The following CDH2 variants were observed in gnomAD, a reference collection of about 807,000 sequenced individuals.
CDH2 encodes the protein cadherin 2, also known as cadherin-2.
In CDH2, 17 loss-of-function variants were observed where a neutral mutation model predicts 92.0. The observed-to-expected ratio is 0.18, with a 90% CI of 0.13 to 0.28. The LOEUF (loss-of-function observed/expected upper bound fraction) is 0.28, where lower values mean the gene tolerates loss of function less well. Among genes scored for constraint, CDH2 ranks in the 10% least tolerant of loss-of-function variants. The pLI, the probability that CDH2 is intolerant of heterozygous loss-of-function variation, is 1.00. For missense variants in CDH2, 862 were observed against 1,133.1 expected, an observed-to-expected ratio of 0.76 and a Z score of 3.44; for synonymous variants, 419 against 415.9, an observed-to-expected ratio of 1.01 and a Z score of -0.09.
chr18:28,166,172 A>ATATATATATATATATATATATC, intron 1 of CDH2, among the ~76,000 whole-genome samples: 1 of 136,948 alleles, frequency 7.3e-6, no homozygotes, highest in African/African-American at 2.6e-5. Context: ...ATATATATAT[A>ATATATATATATATATATATATC]TGTCTGTATT....
intron 10 of CDH2, among the ~76,000 whole-genome samples, chr18:27,988,901 A>G (rs1410277754): frequency 2.6e-5 from 4 of 152,208 alleles, no homozygotes; most frequent in Non-Finnish European, 2.9e-5. Context: ...GGACAAGACT[A>G]GGTGCACAGT....
At chr18:28,080,307 T>G (rs2014804762) in intron 2 of CDH2, among the ~76,000 whole-genome samples, 1 of 152,188 alleles carries the variant, frequency 6.6e-6, no homozygotes, top group African/African-American at 2.4e-5. Flanking sequence ...AATCTATGTT[T>G]TCACTTCCTA....
intron 2 of CDH2, chr18:28,036,692 A>G (rs948337831): frequency 1.3e-5 from 8 of 638,846 alleles, no homozygotes; most frequent in Admixed American, 8.8e-5. Context: ...ACTGACCGTC[A>G]GCAAAACAGA....
In CDH2 at chr18:28,100,224, AC is replaced by A. The variant is rs2015205356; in HGVS notation, c.172+47448del. On this transcript the variant is annotated intron_variant, in intron 2 of 15. Coordinates refer to ENST00000269141, the MANE Select transcript of CDH2 (RefSeq NM_001792.5). ...CAGTTAAATCAGTAGACTGAATAAA[AC>A]AGATTGCTCTCTTTAATGTGGGTGA... is the stretch of plus-strand genomic sequence containing the variant. 3.9e-5 allele frequency among the ~76,000 whole-genome samples: 6 copies of A among 152,306 alleles called. No homozygotes were observed. The South Asian group carries it at 1.2e-3, about 32-fold the overall frequency.
chr18:28,170,355 T>C (rs536214610), intron 1 of CDH2, among the ~76,000 whole-genome samples: 2 of 152,322 alleles, frequency 1.3e-5, no homozygotes, highest in South Asian at 4.1e-4. Context: ...CTTTTTTAAA[T>C]TTTATTTTGA....
chr18:28,136,925 A>C (rs17446819), intron 2 of CDH2, among the ~76,000 whole-genome samples: 37,895 of 152,066 alleles, frequency 0.25, 4,903 homozygotes, highest in Middle Eastern at 0.37. Flanking sequence ...AAGCTTCCCC[A>C]GAATAACTCT....
At chr18:28,071,361 T>C (rs1469260428) in intron 2 of CDH2, among the ~76,000 whole-genome samples, 1 of 152,000 alleles carries the variant, frequency 6.6e-6, no homozygotes, top group African/African-American at 2.4e-5. Context: ...AGTCAGAAGG[T>C]CACTCTCTGC....
chr18:28,111,461 A>T (rs937623354), intron 2 of CDH2, among the ~76,000 whole-genome samples: 6 of 152,214 alleles, frequency 3.9e-5, no homozygotes, highest in African/African-American at 1.4e-4. Context: ...AAAAAGAAGG[A>T]AAGCACTCCG....
intron 3 of CDH2, among the ~76,000 whole-genome samples, chr18:28,012,444 T>C (rs2144035407): frequency 6.6e-6 from 1 of 152,354 alleles, no homozygotes. Flanking sequence ...CAAATATTTA[T>C]GACCCTATTA....
At chr18:28,107,545 G>A (rs967005215) in intron 2 of CDH2, among the ~76,000 whole-genome samples, 4 of 152,112 alleles carry the variant, frequency 2.6e-5, no homozygotes, top group African/African-American at 7.2e-5. Context: ...TAATATGTAT[G>A]CCATAACACT....
intron 2 of CDH2, among the ~76,000 whole-genome samples, chr18:28,066,742 C>CAAAA (rs371551674): frequency 1.3e-4 from 18 of 138,408 alleles, no homozygotes; most frequent in African/African-American, 4.4e-4. Context: ...CTGTAAATTA[C>CAAAA]AAAAAAAAAA....
At chr18:28,145,928 G>T (rs765677088) in intron 2 of CDH2, among the ~76,000 whole-genome samples, 3 of 151,898 alleles carry the variant, frequency 2.0e-5, no homozygotes, top group Non-Finnish European at 2.9e-5. Flanking sequence ...CTCACTGATG[G>T]CTAGAGCACA....
chr18:28,133,237 G>C (rs1388658686), intron 2 of CDH2, among the ~76,000 whole-genome samples: 2 of 152,110 alleles, frequency 1.3e-5, no homozygotes, highest in Non-Finnish European at 2.9e-5. Context: ...TTCCATATCT[G>C]TAACACAGGA....
intron 2 of CDH2, among the ~76,000 whole-genome samples, chr18:28,075,067 A>G (rs2014693257): frequency 6.6e-6 from 1 of 152,132 alleles, no homozygotes; most frequent in South Asian, 2.1e-4. Context: ...AATAGAGTTT[A>G]TTCACTCATT....
intron 2 of CDH2, among the ~76,000 whole-genome samples, chr18:28,081,512 G>A (rs1168272725): frequency 6.6e-6 from 1 of 152,132 alleles, no homozygotes; most frequent in East Asian, 1.9e-4. Context: ...TTATAAACTA[G>A]CTGTAATATT....
At chr18:28,174,937 G>A (rs2016515277) in intron 1 of CDH2, among the ~76,000 whole-genome samples, 1 of 152,088 alleles carries the variant, frequency 6.6e-6, no homozygotes, top group Non-Finnish European at 1.5e-5. Context: ...AGTAAGATTT[G>A]TAAAAAATGT....
At chr18:28,025,425 G>A (rs2013524469) in intron 2 of CDH2, among the ~76,000 whole-genome samples, 1 of 151,794 alleles carries the variant, frequency 6.6e-6, no homozygotes. Flanking sequence ...GGCTGAGGCA[G>A]GAGAATTGCT....
At chr18:28,017,431 T>G (rs2144047380) in intron 2 of CDH2, among the ~76,000 whole-genome samples, 1 of 152,296 alleles carries the variant, frequency 6.6e-6, no homozygotes, top group Middle Eastern at 3.4e-3. Flanking sequence ...GAATGATCTT[T>G]TGTACTTCTG....
intron 2 of CDH2, among the ~76,000 whole-genome samples, chr18:28,056,853 G>A (rs2014302492): frequency 6.6e-6 from 1 of 152,166 alleles, no homozygotes; most frequent in Non-Finnish European, 1.5e-5. Context: ...GGGAAGCACT[G>A]TCAAATAAAA....
Sources: allele counts gnomAD v4.1 joint callset (sites outside exome capture counted in the v4.1 genomes callset), GRCh38; gene constraint gnomAD v4.1.1; transcripts MANE v1.5; gene names NCBI Gene and HGNC (gene_info 2026-07-23, HGNC 2026-07-21).